The following COPZ1 variants were observed in gnomAD, a reference collection of about 807,000 sequenced individuals.
COPZ1 encodes the protein coatomer subunit zeta-1.
In COPZ1, 4 loss-of-function variants were observed where a neutral mutation model predicts 31.7. The observed-to-expected ratio is 0.13, with a 90% CI of 0.06 to 0.29. The LOEUF (loss-of-function observed/expected upper bound fraction) is 0.29. COPZ1 is among the 10% of genes least tolerant of loss of function. The pLI is 1.00. For missense variants in COPZ1, 156 were observed against 211.5 expected (o/e 0.74, Z 1.63); for synonymous variants, 74 against 79.0 (o/e 0.94, Z 0.33).
At chr12:54,337,019 C>CAA (rs1182592654) in intron 1 of COPZ1, among the ~76,000 whole-genome samples, 1,258 of 61,444 alleles carry the variant, frequency 0.02, 37 homozygotes, top group Non-Finnish European at 0.024. Flanking sequence ...GAGACTGTCG[C>CAA]AAAAAAAAAA....
chr12:54,332,521 G>C (rs1227072688), intron 1 of COPZ1, among the ~76,000 whole-genome samples: 1 of 151,920 alleles, frequency 6.6e-6, no homozygotes, highest in East Asian at 1.9e-4. Context: ...CGGATCACCT[G>C]AGGTCAGGAG....
chr12:54,330,169 C>T (rs550819193), intron 1 of COPZ1, among the ~76,000 whole-genome samples: 2 of 152,106 alleles, frequency 1.3e-5, no homozygotes, highest in South Asian at 2.1e-4. Context: ...GCACTGCCCC[C>T]GGTGAGGTCC....
At chr12:54,345,381 G>T (rs1410037860) in intron 4 of COPZ1, 79 bp from the exon 5 acceptor site, 2 of 1,029,650 alleles carry the variant, frequency 1.9e-6, no homozygotes, top group Non-Finnish European at 3.0e-6. Context: ...GATGTTTAAT[G>T]AATTAGGAGG....
In COPZ1 at chr12:54,350,782, G is replaced by A. The variant is rs1954134252; in HGVS notation, c.*259G>A. ...AGGGGAAGCACCCTCTTTCTTTCTA[G>A]ACTGGATTATGCTCACATGCTCCCT... On this transcript the variant is annotated 3_prime_UTR_variant, in exon 9 of 9. Coordinates refer to ENST00000262061, the MANE Select transcript of COPZ1 (RefSeq NM_016057.3). 1.8e-6 allele frequency: 1 copy of A among 551,600 alleles called. No homozygotes were observed. The highest frequency in any genetic ancestry group is 2.2e-5 in the South Asian group (1 of 46,162). 34.2% of individuals were successfully genotyped at this position (551,600 alleles called of 1,614,324 possible).
At chr12:54,336,965 T>C (rs1463454106) in intron 1 of COPZ1, among the ~76,000 whole-genome samples, 1 of 138,242 alleles carries the variant, frequency 7.2e-6, no homozygotes, top group Non-Finnish European at 1.5e-5. Context: ...GAGGTTGTAG[T>C]GAGCGGAGTT....
At chr12:54,326,154 T>TATTATTATTATTATTATTATTA (rs1376870667) in intron 1 of COPZ1, among the ~76,000 whole-genome samples, 1 of 146,668 alleles carries the variant, frequency 6.8e-6, no homozygotes, top group Non-Finnish European at 1.5e-5. Context: ...TTATTATTAT[T>TATTATTATTATTATTATTATTA]TTTGAGACGG....
intron 1 of COPZ1, among the ~76,000 whole-genome samples, chr12:54,335,721 G>A (rs1953850265): frequency 6.6e-6 from 1 of 151,780 alleles, no homozygotes; most frequent in South Asian, 2.1e-4. Flanking sequence ...GTGTAGGCTG[G>A]AGTGCAGTAG....
intron 1 of COPZ1, among the ~76,000 whole-genome samples, chr12:54,326,682 G>GTGTGTGT (rs1178809746): frequency 1.5e-4 from 16 of 106,208 alleles, no homozygotes; most frequent in Non-Finnish European, 4.4e-5. Context: ...TGTGTGTGTA[G>GTGTGTGT]GTAGGTAGGT....
intron 1 of COPZ1, among the ~76,000 whole-genome samples, chr12:54,339,695 T>A (rs186995790): frequency 2.0e-5 from 3 of 152,030 alleles, no homozygotes; most frequent in Non-Finnish European, 4.4e-5. Context: ...GCAAGTGATA[T>A]ACTTACAGTT....
In COPZ1 at chr12:54,331,731, G is replaced by A. The variant is rs1348296482; in HGVS notation, c.18+6550G>A. On this transcript the variant is annotated intron_variant, in intron 1 of 8. Coordinates refer to ENST00000262061, the MANE Select transcript of COPZ1 (RefSeq NM_016057.3). Reference sequence around the variant, plus strand: ...AGGAGCAAAAGCAGGGAGATGTGGGGGGGAGTAAAGGGATAAATCATGATA... The same window carrying A: ...AGGAGCAAAAGCAGGGAGATGTGGGAGGGAGTAAAGGGATAAATCATGATA... Among the ~76,000 whole-genome samples the A allele has an allele frequency of 1.8e-4, 27 of 152,206 alleles. No homozygotes were observed. The East Asian group carries it at 5.2e-3, about 29-fold the overall frequency.
intron 3 of COPZ1, chr12:54,342,737 C>T (rs908289465): frequency 1.1e-5 from 2 of 176,408 alleles, no homozygotes; most frequent in Non-Finnish European, 2.4e-5. Context: ...GTTCATACTT[C>T]TCTTCTCCTG....
intron 5 of COPZ1, among the ~76,000 whole-genome samples, chr12:54,347,446 C>T (rs1197877562): frequency 6.6e-6 from 1 of 152,138 alleles, no homozygotes; most frequent in Non-Finnish European, 1.5e-5. Flanking sequence ...TTTTTTCCAC[C>T]CACTGATGTC....
chr12:54,346,748 T>G lies in COPZ1; in HGVS notation c.318-1019T>G, dbSNP rs969722905. On this transcript the variant is annotated intron_variant, in intron 5 of 8. Coordinates refer to ENST00000262061, the MANE Select transcript of COPZ1 (RefSeq NM_016057.3). The stretch of plus-strand genomic sequence containing the variant: ...GTGCATACCTGTAGTCTCAGCTACT[T>G]GGGAGGCTGAGGTAGGAAGATTGCT... 4.0e-5 allele frequency: 27 copies of G among 675,418 alleles called. No homozygotes were observed. The African/African-American group carries it at 4.4e-4, about 11-fold the overall frequency. 41.8% of individuals were successfully genotyped at this position (675,418 alleles called of 1,614,324 possible).
At chr12:54,336,267 G>A (rs975693075) in intron 1 of COPZ1, among the ~76,000 whole-genome samples, 7 of 152,170 alleles carry the variant, frequency 4.6e-5, no homozygotes, top group Admixed American at 2.0e-4. Context: ...AGCTTTTGCC[G>A]GGTGCGGTGG....
intron 3 of COPZ1, chr12:54,342,500 G>A: frequency 1.8e-6 from 1 of 564,918 alleles, no homozygotes; most frequent in Non-Finnish European, 3.2e-6. Context: ...TTAGCTACCT[G>A]TCTAGTCCCT....
chr12:54,335,016 T>TA (rs1296846369), intron 1 of COPZ1, among the ~76,000 whole-genome samples: 1 of 150,476 alleles, frequency 6.6e-6, no homozygotes, highest in East Asian at 2.0e-4. Flanking sequence ...TCTACTAAAA[T>TA]AAAAAAAATC....
chr12:54,338,562 T>C (rs901482366), intron 1 of COPZ1, among the ~76,000 whole-genome samples: 1 of 152,320 alleles, frequency 6.6e-6, no homozygotes, highest in Non-Finnish European at 1.5e-5. Context: ...GGTAGTAATA[T>C]CACCCAAAGT....
intron 1 of COPZ1, among the ~76,000 whole-genome samples, chr12:54,331,024 T>C (rs1373322717): frequency 6.6e-6 from 1 of 152,142 alleles, no homozygotes; most frequent in East Asian, 1.9e-4. Flanking sequence ...TAGGGGGATC[T>C]CTCCTGGCCT....
chr12:54,339,066 A>G (rs1953923118), intron 1 of COPZ1, among the ~76,000 whole-genome samples: 1 of 152,076 alleles, frequency 6.6e-6, no homozygotes, highest in Non-Finnish European at 1.5e-5. Context: ...TAAGGCCAGG[A>G]AAGAGGTAGC....
Sources: allele counts gnomAD v4.1 joint callset (sites outside exome capture counted in the v4.1 genomes callset), GRCh38; gene constraint gnomAD v4.1.1; transcripts MANE v1.5; gene names NCBI Gene and HGNC (gene_info 2026-07-23, HGNC 2026-07-21).